The following MAP4K4 variants were observed in gnomAD, a reference collection of about 807,000 sequenced individuals.
MAP4K4 encodes HPK/GCK-like kinase HGK.
MAP4K4 carries 38 observed loss-of-function variants against 189.6 expected under a neutral mutation model. The observed-to-expected ratio is 0.20, with a 90% CI of 0.15 to 0.26. MAP4K4 has a LOEUF of 0.26. Among genes scored for constraint, MAP4K4 ranks in the 10% least tolerant of loss-of-function variants. The pLI, the probability that MAP4K4 is intolerant of heterozygous loss-of-function variation, is 1.00. For synonymous variants in MAP4K4, 610 were observed against 624.3 expected (o/e 0.98, Z 0.34); for missense variants, 1,054 against 1,726.9 (o/e 0.61, Z 6.91).
At chr2:101,803,245 ATG>A (rs6146862) in intron 3 of MAP4K4, among the ~76,000 whole-genome samples, 21 of 150,236 alleles carry the variant, frequency 1.4e-4, no homozygotes, top group South Asian at 4.2e-4. Flanking sequence ...GATGATGATG[ATG>A]TGTGTGTGTG....
intron 7 of MAP4K4, among the ~76,000 whole-genome samples, chr2:101,834,052 C>T (rs1221865721): frequency 6.6e-6 from 1 of 152,142 alleles, no homozygotes; most frequent in Non-Finnish European, 1.5e-5. Flanking sequence ...AAGAAACATA[C>T]AGTAGTTCAC....
At chr2:101,798,963 A>G (rs1215430124) in intron 3 of MAP4K4, among the ~76,000 whole-genome samples, 1 of 152,220 alleles carries the variant, frequency 6.6e-6, no homozygotes, top group East Asian at 1.9e-4. Context: ...TAGGAAAGAA[A>G]ATTATTGGAG....
intron 5 of MAP4K4, among the ~76,000 whole-genome samples, chr2:101,826,504 A>G (rs888309817): frequency 9.2e-5 from 14 of 152,310 alleles, no homozygotes; most frequent in African/African-American, 2.2e-4. Flanking sequence ...TTTTATGACT[A>G]TTATAGAAAG....
In MAP4K4 at chr2:101,796,938, G is replaced by A. The variant is rs2093757943; in HGVS notation, c.180+6162G>A. ...TGTCATCATATGTGGAAAGGCAAGA[G>A]CCATACAAGAAGCTAAGCAATATAT... On this transcript the variant is annotated intron_variant, in intron 3 of 32. Coordinates refer to ENST00000324219, the Ensembl canonical transcript of MAP4K4. Among the ~76,000 whole-genome samples the A allele has an allele frequency of 2.6e-5, 4 of 152,344 alleles. No homozygotes were observed. The South Asian group carries it at 8.3e-4, about 32-fold the overall frequency.
chr2:101,856,260 T>C (rs764853766), intron 13 of MAP4K4, 122 bp downstream of exon 13: 1 of 845,130 alleles, frequency 1.2e-6, no homozygotes, highest in Non-Finnish European at 1.8e-6. Flanking sequence ...CATACACATA[T>C]ACTTAGAACT....
chr2:101,744,753 A>T (rs1443256174), intron 2 of MAP4K4, among the ~76,000 whole-genome samples: 1 of 152,158 alleles, frequency 6.6e-6, no homozygotes, highest in Non-Finnish European at 1.5e-5. Context: ...TTCTTTGCTG[A>T]TCTGTTCATC....
In MAP4K4 at chr2:101,797,434, C is replaced by T. The variant is rs192462414; in HGVS notation, c.180+6658C>T. 6.3e-5 allele frequency: 80 copies of T among 1,264,184 alleles called. No individual in the cohort carries two copies. In the East Asian group the frequency reaches 2.2e-3, roughly 35 times the overall value. The allele number at this position is 1,264,184 out of a possible 1,614,324, so 78.3% of individuals were successfully genotyped here. On this transcript the variant is annotated intron_variant, in intron 3 of 32. Coordinates refer to ENST00000324219, the Ensembl canonical transcript of MAP4K4. ...GACAGTCTGTATCCCCCTCCTGCAC[C>T]GCCCCCTCCCTCCTTATCTTCTTAT...
At chr2:101,829,618 A>T (rs889872708) in intron 6 of MAP4K4, 24 bp downstream of exon 6, 3 of 1,551,458 alleles carry the variant, frequency 1.9e-6, no homozygotes, top group African/African-American at 2.7e-5. Context: ...GTGCGGCGTG[A>T]TCTCATAATT....
At chr2:101,796,784 G>A (rs543021297) in intron 3 of MAP4K4, among the ~76,000 whole-genome samples, 1 of 143,612 alleles carries the variant, frequency 7.0e-6, no homozygotes, top group South Asian at 2.2e-4. Context: ...CCAGTATACT[G>A]GAAGAGCCAG....
chr2:101,723,050 CA>C (rs1161196286), intron 2 of MAP4K4, among the ~76,000 whole-genome samples: 1 of 152,154 alleles, frequency 6.6e-6, no homozygotes, highest in Non-Finnish European at 1.5e-5. Context: ...ATCTCCTTCA[CA>C]AGGCGTCAGG....
At chr2:101,861,267 C>T (rs2097647462) in intron 16 of MAP4K4, 1 of 271,458 alleles carries the variant, frequency 3.7e-6, no homozygotes, top group South Asian at 1.0e-4. Flanking sequence ...CCTCCTTTTT[C>T]TGATACAAAG....
At chr2:101,774,293 C>T (rs900637025) in intron 2 of MAP4K4, among the ~76,000 whole-genome samples, 1 of 152,200 alleles carries the variant, frequency 6.6e-6, no homozygotes, top group Non-Finnish European at 1.5e-5. Flanking sequence ...TTTTGATTTG[C>T]ATTTCTCTGA....
In MAP4K4 at chr2:101,886,531, G is replaced by T. The variant is rs559210879; in HGVS notation, c.3622-557G>T. Among the ~76,000 whole-genome samples, 3 of 152,320 alleles carry T rather than the reference G, an allele frequency of 2.0e-5. No individual in the cohort carries two copies. The East Asian group carries it at 5.8e-4, about 29-fold the overall frequency. On this transcript the variant is annotated intron_variant, in intron 29 of 32. Coordinates refer to ENST00000324219, the Ensembl canonical transcript of MAP4K4. ...TTTGCATGATTTTCTGATCAAGGCA[G>T]CCAAAAGCACAGTAAATGACAGAGC...
At chr2:101,815,435 G>A (rs1290961055) in intron 3 of MAP4K4, among the ~76,000 whole-genome samples, 1 of 152,174 alleles carries the variant, frequency 6.6e-6, no homozygotes, top group Non-Finnish European at 1.5e-5. Flanking sequence ...CAATAGAGGT[G>A]TAGGTTGTAG....
At chr2:101,779,863 T>A (rs1051973086) in intron 2 of MAP4K4, among the ~76,000 whole-genome samples, 1 of 151,850 alleles carries the variant, frequency 6.6e-6, no homozygotes, top group Non-Finnish European at 1.5e-5. Flanking sequence ...GAGTAAAATA[T>A]GAATATACAG....
chr2:101,737,459 ATATTTTTTTTTT>A (rs1414339572), intron 2 of MAP4K4, among the ~76,000 whole-genome samples: 7 of 31,626 alleles, frequency 2.2e-4, no homozygotes, highest in South Asian at 2.2e-3. Flanking sequence ...ATATATATAT[ATATTTTTTTTTT>A]TTTTTTTTTT....
At chr2:101,773,484 T>A (rs1361790811) in intron 2 of MAP4K4, among the ~76,000 whole-genome samples, 1 of 152,232 alleles carries the variant, frequency 6.6e-6, no homozygotes, top group African/African-American at 2.4e-5. Flanking sequence ...GTGTATATAT[T>A]TATGTGTTAC....
intron 9 of MAP4K4, 149 bp from the exon 10 acceptor site, chr2:101,839,670 T>A (rs919514658): frequency 3.1e-6 from 2 of 636,454 alleles, no homozygotes; most frequent in Admixed American, 6.7e-5. Flanking sequence ...TGAGTTCCTA[T>A]TTATGTTTCA....
rs140382553 is a variant in MAP4K4, at chr2:101,730,081, A to G, written c.123+31543A>G. Among the ~76,000 whole-genome samples the G allele has an allele frequency of 4.5e-4, 69 of 152,296 alleles. No individual in the cohort carries two copies. The East Asian group carries it at 0.011, about 25-fold the overall frequency. ...AGGGGCCCTCTCCTTAAGATGCGTC[A>G]GTGGACCTAGGACGGGGGAAAGTAA... On this transcript the variant is annotated intron_variant, in intron 2 of 32. Transcript: ENST00000324219.
Sources: allele counts gnomAD v4.1 joint callset (sites outside exome capture counted in the v4.1 genomes callset), GRCh38; gene constraint gnomAD v4.1.1; transcripts MANE v1.5; gene names NCBI Gene and HGNC (gene_info 2026-07-23, HGNC 2026-07-21).